Variants in PCDH9 observed in about 807,000 individuals in gnomAD.
The protein encoded by PCDH9 is protocadherin-9.
A neutral mutation model predicts 70.6 loss-of-function variants in PCDH9; 24 were observed. The ratio of observed to expected loss-of-function variants is 0.34; its 90% CI spans 0.25 to 0.48. The LOEUF (loss-of-function observed/expected upper bound fraction) is 0.48, where lower values mean the gene tolerates loss of function less well. PCDH9 is among the 20% of genes least tolerant of loss of function. The probability of loss-of-function intolerance (pLI) is 0.99; values close to 1 mark genes in which losing one functional copy is unlikely to be tolerated. For missense variants in PCDH9, 1,281 were observed against 1,503.6 expected, an observed-to-expected ratio of 0.85 and a Z score of 2.45; for synonymous variants, 562 against 558.5, an observed-to-expected ratio of 1.01 and a Z score of -0.09.
intron 2 of PCDH9, among the ~76,000 whole-genome samples, chr13:67,152,662 T>C (rs906896201): frequency 6.6e-6 from 1 of 152,168 alleles, no homozygotes; most frequent in Non-Finnish European, 1.5e-5. Context: ...CATCCTTATA[T>C]TCTTTAAACA....
intron 3 of PCDH9, among the ~76,000 whole-genome samples, chr13:66,702,862 A>G (rs1339593440): frequency 6.6e-6 from 1 of 152,206 alleles, no homozygotes; most frequent in Admixed American, 6.5e-5. Context: ...TACAGTATGG[A>G]AGTTTTATTT....
intron 4 of PCDH9, among the ~76,000 whole-genome samples, chr13:66,400,960 C>T (rs990581391): frequency 1.3e-5 from 2 of 152,094 alleles, no homozygotes; most frequent in East Asian, 1.9e-4. Flanking sequence ...ATCTTGCCTC[C>T]TTGAACAATT....
chr13:67,097,061 A>T (rs2086334894), intron 2 of PCDH9, among the ~76,000 whole-genome samples: 1 of 150,548 alleles, frequency 6.6e-6, no homozygotes, highest in Non-Finnish European at 1.5e-5. Context: ...CAGCCTGCAC[A>T]ATGGTGAAAC....
intron 2 of PCDH9, among the ~76,000 whole-genome samples, chr13:66,939,168 A>C (rs2082965852): frequency 6.6e-6 from 1 of 152,138 alleles, no homozygotes; most frequent in South Asian, 2.1e-4. Flanking sequence ...ATAAGATTCC[A>C]TGTAAAATCA....
intron 2 of PCDH9, among the ~76,000 whole-genome samples, chr13:67,014,711 T>G (rs1013101390): frequency 2.0e-5 from 3 of 152,092 alleles, no homozygotes; most frequent in Admixed American, 2.0e-4. Flanking sequence ...GTGGCCCAAT[T>G]AGTTTTGAAT....
intron 4 of PCDH9, among the ~76,000 whole-genome samples, chr13:66,613,166 C>G (rs1472500168): frequency 6.6e-6 from 1 of 152,126 alleles, no homozygotes; most frequent in Non-Finnish European, 1.5e-5. Context: ...CCACTCCCTG[C>G]CAGGCCTGGG....
At chr13:66,345,744 G>T (rs964093320) in intron 4 of PCDH9, among the ~76,000 whole-genome samples, 3 of 152,254 alleles carry the variant, frequency 2.0e-5, no homozygotes, top group African/African-American at 4.8e-5. Context: ...GTCCACCATT[G>T]TAAGTACTCC....
intron 3 of PCDH9, among the ~76,000 whole-genome samples, chr13:66,894,612 C>A (rs1241691509): frequency 2.0e-5 from 3 of 152,000 alleles, no homozygotes; most frequent in Admixed American, 6.6e-5. Flanking sequence ...GGTGAAACAC[C>A]AAACAATATC....
At chr13:67,100,395 TA>T (rs2086408697) in intron 2 of PCDH9, among the ~76,000 whole-genome samples, 1 of 152,154 alleles carries the variant, frequency 6.6e-6, no homozygotes, top group African/African-American at 2.4e-5. Flanking sequence ...GAACACGAAA[TA>T]CCAAACCCTT....
intron 2 of PCDH9, among the ~76,000 whole-genome samples, chr13:66,961,978 G>C (rs888816662): frequency 6.6e-6 from 1 of 152,004 alleles, no homozygotes; most frequent in Non-Finnish European, 1.5e-5. Flanking sequence ...TTGAATCCGG[G>C]AGGTGGAGGT....
chr13:66,710,989 C>T (rs1190042825), intron 3 of PCDH9, among the ~76,000 whole-genome samples: 4 of 152,138 alleles, frequency 2.6e-5, no homozygotes, highest in Non-Finnish European at 4.4e-5. Flanking sequence ...ATTCACATCT[C>T]ATAGTCCATT....
chr13:66,769,276 C>T (rs541952188), intron 3 of PCDH9, among the ~76,000 whole-genome samples: 53 of 152,164 alleles, frequency 3.5e-4, no homozygotes, highest in Middle Eastern at 3.4e-3. Context: ...CTAACAACTC[C>T]ATGGATTAAT....
At chr13:66,496,846 C>T (rs1326650667) in intron 4 of PCDH9, among the ~76,000 whole-genome samples, 1 of 152,146 alleles carries the variant, frequency 6.6e-6, no homozygotes, top group Admixed American at 6.6e-5. Context: ...TTTTTTAAAA[C>T]TAAAATTCCA....
At chr13:66,744,691 G>A (rs2079331272) in intron 3 of PCDH9, among the ~76,000 whole-genome samples, 1 of 151,870 alleles carries the variant, frequency 6.6e-6, no homozygotes, top group Non-Finnish European at 1.5e-5. Flanking sequence ...ACACAAGAAA[G>A]AAATTCAGGT....
intron 2 of PCDH9, chr13:67,212,388 A>T (rs963595564): frequency 1.3e-5 from 2 of 152,126 alleles, no homozygotes; most frequent in Non-Finnish European, 2.9e-5. Flanking sequence ...AAGGGAAAAA[A>T]GTACTGTGCT....
intron 3 of PCDH9, among the ~76,000 whole-genome samples, chr13:66,767,781 T>C (rs1400826267): frequency 6.6e-6 from 1 of 152,122 alleles, no homozygotes; most frequent in South Asian, 2.1e-4. Context: ...TGGAGCAATT[T>C]CACCAAAGAG....
At chr13:67,065,112 T>G (rs2085621317) in intron 2 of PCDH9, among the ~76,000 whole-genome samples, 1 of 152,118 alleles carries the variant, frequency 6.6e-6, no homozygotes, top group African/African-American at 2.4e-5. Flanking sequence ...CTCAGAGGAT[T>G]TGGTATCTTG....
chr13:66,622,741 C>A (rs2138906817), intron 4 of PCDH9, among the ~76,000 whole-genome samples: 1 of 152,232 alleles, frequency 6.6e-6, no homozygotes, highest in South Asian at 2.1e-4. Flanking sequence ...GTGGGTGGGG[C>A]CAGATAAGAG....
intron 2 of PCDH9, among the ~76,000 whole-genome samples, chr13:67,169,526 G>A (rs1465783373): frequency 2.6e-5 from 4 of 152,134 alleles, no homozygotes; most frequent in Non-Finnish European, 5.9e-5. Context: ...AGCAGATTCT[G>A]AAGTGCTCAT....
Sources: allele counts gnomAD v4.1 joint callset (sites outside exome capture counted in the v4.1 genomes callset), GRCh38; gene constraint gnomAD v4.1.1; transcripts MANE v1.5; gene names NCBI Gene and HGNC (gene_info 2026-07-23, HGNC 2026-07-21).